AMPH: variants seen among roughly 807,000 people sequenced by gnomAD.
The protein encoded by AMPH is amphiphysin (Stiff-Mann syndrome with breast cancer 128kD autoantigen).
Under a neutral mutation model 99.1 loss-of-function variants are expected in AMPH, and 49 were observed. That is an observed-to-expected ratio of 0.49 (90% CI 0.39 to 0.63). The LOEUF is 0.63. AMPH is among the 20% of genes least tolerant of loss of function. AMPH has a pLI of 0.00. For missense variants in AMPH, 759 were observed against 863.4 expected, an observed-to-expected ratio of 0.88 and a Z score of 1.52; for synonymous variants, 314 against 317.3, an observed-to-expected ratio of 0.99 and a Z score of 0.11.
intron 7 of AMPH, among the ~76,000 whole-genome samples, chr7:38,473,661 G>A (rs1445801022): frequency 2.2e-5 from 2 of 92,114 alleles, no homozygotes; most frequent in Non-Finnish European, 3.9e-5. Flanking sequence ...CCGAGATTGC[G>A]CCACTGCAGT....
intron 1 of AMPH, among the ~76,000 whole-genome samples, chr7:38,551,200 A>G (rs1489745957): frequency 6.6e-6 from 1 of 152,210 alleles, no homozygotes; most frequent in Non-Finnish European, 1.5e-5. Context: ...CAGATTTCCT[A>G]CGATGACTTT....
intron 17 of AMPH, among the ~76,000 whole-genome samples, chr7:38,403,371 C>T (rs2267804): frequency 2.6e-5 from 4 of 152,094 alleles, no homozygotes; most frequent in African/African-American, 7.2e-5. Context: ...TTGTGACCTT[C>T]GGCAATGCTG....
At chr7:38,400,835 A>T (rs1562728259) in intron 17 of AMPH, among the ~76,000 whole-genome samples, 2 of 152,230 alleles carry the variant, frequency 1.3e-5, no homozygotes, top group Non-Finnish European at 2.9e-5. Context: ...TACTTTCATT[A>T]TCCTTCTGCC....
chr7:38,471,358 C>T (rs1787878659), intron 7 of AMPH, among the ~76,000 whole-genome samples: 1 of 152,148 alleles, frequency 6.6e-6, no homozygotes, highest in Non-Finnish European at 1.5e-5. Flanking sequence ...CTTGGTGATA[C>T]CACTCTATCA....
At position 38,533,384 on chromosome 7, in the gene AMPH, C is replaced by T. The variant is rs145303354; in HGVS notation, c.150+1547G>A. Reference sequence around the variant, plus strand: ...CCTTTTCTCATGTTCAGATATAACACGTTTGCTATCCCATTCATGGTAAAC... The same window carrying T: ...CCTTTTCTCATGTTCAGATATAACATGTTTGCTATCCCATTCATGGTAAAC... On this transcript the variant is annotated intron_variant, in intron 2 of 20. Coordinates refer to ENST00000356264, the MANE Select transcript of AMPH (RefSeq NM_001635.4). 7.0e-3 allele frequency among the ~76,000 whole-genome samples: 1,067 copies of T among 152,280 alleles called. 23 individuals carry two copies. Among genetic ancestry groups the T allele is most frequent in the African/African-American group, 0.024 (1,016 of 41,572 alleles).
chr7:38,417,562 C>T (rs149870533), intron 17 of AMPH, among the ~76,000 whole-genome samples: 9 of 152,344 alleles, frequency 5.9e-5, no homozygotes, highest in South Asian at 2.1e-4. Context: ...TCTGATTACT[C>T]GCAAGTTCTA....
chr7:38,465,402 G>C (rs1364128199), intron 9 of AMPH, 65 bp downstream of exon 9: 2 of 1,389,780 alleles, frequency 1.4e-6, no homozygotes, highest in Non-Finnish European at 2.0e-6. Flanking sequence ...GTACAGGCTG[G>C]TCCACAGATT....
intron 11 of AMPH, among the ~76,000 whole-genome samples, chr7:38,443,928 A>G (rs1169987916): frequency 1.3e-5 from 2 of 152,156 alleles, no homozygotes; most frequent in Non-Finnish European, 2.9e-5. Flanking sequence ...ATGATAATAT[A>G]TATAGAAAAA....
At chr7:38,597,532 T>C (rs916214365) in intron 1 of AMPH, among the ~76,000 whole-genome samples, 3 of 152,200 alleles carry the variant, frequency 2.0e-5, no homozygotes, top group Non-Finnish European at 4.4e-5. Flanking sequence ...TGAGATTTCT[T>C]AAGCAGAATT....
intron 20 of AMPH, among the ~76,000 whole-genome samples, chr7:38,389,493 T>A (rs1011827024): frequency 6.6e-6 from 1 of 152,066 alleles, no homozygotes; most frequent in Non-Finnish European, 1.5e-5. Flanking sequence ...TTTGAAGGGG[T>A]CTTTTAGTTC....
chr7:38,628,895 A>G (rs574988039), intron 1 of AMPH, among the ~76,000 whole-genome samples: 65 of 152,316 alleles, frequency 4.3e-4, no homozygotes, highest in Admixed American at 1.7e-3. Flanking sequence ...AAGCCATGTC[A>G]CCTCTAAAAG....
chr7:38,447,136 C>T (rs1438244980), intron 11 of AMPH, among the ~76,000 whole-genome samples: 3 of 152,110 alleles, frequency 2.0e-5, no homozygotes, highest in African/African-American at 7.2e-5. Flanking sequence ...TCTCCTGCCT[C>T]CGCCTCTCAA....
intron 1 of AMPH, among the ~76,000 whole-genome samples, chr7:38,604,036 C>T (rs758331961): frequency 6.6e-6 from 1 of 152,104 alleles, no homozygotes; most frequent in African/African-American, 2.4e-5. Context: ...GAATTATATC[C>T]TATACTGATT....
At chr7:38,526,000 T>A (rs1159203363) in intron 2 of AMPH, among the ~76,000 whole-genome samples, 4 of 152,196 alleles carry the variant, frequency 2.6e-5, no homozygotes, top group African/African-American at 9.6e-5. Flanking sequence ...GGTATACATG[T>A]CTAATTTTTT....
rs146684399 is a variant in AMPH, at chr7:38,630,799, C to T, written c.69+484G>A. ...GTTCGTGTCTGCTGCACTTAAGTAG[C>T]CACAAAATCCCCCGCAAGAAGGAAG... On this transcript the variant is annotated intron_variant, in intron 1 of 20. Coordinates refer to ENST00000356264, the MANE Select transcript of AMPH (RefSeq NM_001635.4). 7.8e-3 allele frequency among the ~76,000 whole-genome samples: 1,194 copies of T among 152,322 alleles called. 16 individuals carry two copies. The highest frequency in any genetic ancestry group is 0.027 in the African/African-American group (1,116 of 41,574).
At chr7:38,415,721 G>T (rs1785360903) in intron 17 of AMPH, among the ~76,000 whole-genome samples, 1 of 152,018 alleles carries the variant, frequency 6.6e-6, no homozygotes, top group Non-Finnish European at 1.5e-5. Context: ...GCTGTAAACT[G>T]TCTCCTCTTA....
At chr7:38,453,176 A>C (rs1184344993) in intron 11 of AMPH, among the ~76,000 whole-genome samples, 1 of 152,168 alleles carries the variant, frequency 6.6e-6, no homozygotes, top group African/African-American at 2.4e-5. Context: ...AGAAGAAAAC[A>C]ATATAAATAA....
chr7:38,609,950 A>G (rs10240909), intron 1 of AMPH, among the ~76,000 whole-genome samples: 12,550 of 151,804 alleles, frequency 0.083, 855 homozygotes, highest in African/African-American at 0.18. Flanking sequence ...AACTCAGCTG[A>G]GAACGGTGGC....
intron 1 of AMPH, among the ~76,000 whole-genome samples, chr7:38,556,948 T>C (rs1791384869): frequency 6.6e-6 from 1 of 152,074 alleles, no homozygotes; most frequent in South Asian, 2.1e-4. Flanking sequence ...GATGAATGAA[T>C]GAAAGAGAGG....
Sources: gnomAD v4.1 joint callset for allele counts (sites outside exome capture counted in the v4.1 genomes callset) on GRCh38, gnomAD v4.1.1 for gene constraint, MANE v1.5 for transcripts, NCBI Gene and HGNC (gene_info 2026-07-23, HGNC 2026-07-21) for gene names.